The following CTIF variants were observed in gnomAD, a reference collection of about 807,000 sequenced individuals.
CTIF encodes the protein cap binding complex dependent translation initiation factor.
In CTIF, 21 loss-of-function variants were observed where a neutral mutation model predicts 66.0. The observed-to-expected ratio is 0.32, with a 90% CI of 0.23 to 0.46. The LOEUF is 0.46. CTIF is among the 20% of genes least tolerant of loss of function. The probability of loss-of-function intolerance (pLI) is 1.00; values close to 1 mark genes in which losing one functional copy is unlikely to be tolerated. For missense variants in CTIF, 739 were observed against 812.7 expected (o/e 0.91, Z 1.10); for synonymous variants, 345 against 326.4 (o/e 1.06, Z -0.62).
chr18:48,690,833 C>T (rs1437462864), intron 6 of CTIF, among the ~76,000 whole-genome samples: 1 of 151,986 alleles, frequency 6.6e-6, no homozygotes, highest in Admixed American at 6.6e-5. Flanking sequence ...CTCCTCCCTG[C>T]AAACCACCAT....
intron 7 of CTIF, among the ~76,000 whole-genome samples, chr18:48,722,206 CTTTT>C (rs34736291): frequency 0.013 from 1,049 of 81,108 alleles, 5 homozygotes; most frequent in African/African-American, 0.052. Flanking sequence ...TGGCCCTGTG[CTTTT>C]TTTTTTTTTT....
chr18:48,602,830 AATGG>A (rs745564518), intron 1 of CTIF, among the ~76,000 whole-genome samples: 5 of 146,846 alleles, frequency 3.4e-5, no homozygotes, highest in Non-Finnish European at 7.5e-5. Flanking sequence ...TGGGTGGATG[AATGG>A]ATGGATGGAT....
intron 1 of CTIF, among the ~76,000 whole-genome samples, chr18:48,557,879 G>A (rs2089059909): frequency 2.0e-5 from 3 of 152,180 alleles, no homozygotes; most frequent in South Asian, 2.1e-4. Context: ...TAAGGACACC[G>A]CTTCTATCCT....
intron 10 of CTIF, among the ~76,000 whole-genome samples, chr18:48,844,840 A>G (rs891077043): frequency 1.3e-5 from 2 of 152,166 alleles, no homozygotes; most frequent in Admixed American, 6.5e-5. Flanking sequence ...GCATCTACAC[A>G]AGCACCTATA....
At chr18:48,659,486 G>T (rs1008620819) in intron 3 of CTIF, among the ~76,000 whole-genome samples, 4 of 152,186 alleles carry the variant, frequency 2.6e-5, no homozygotes, top group Non-Finnish European at 4.4e-5. Context: ...TATGATATTC[G>T]TTCCTGGAGC....
chr18:48,747,301 A>G (rs958110841), intron 7 of CTIF, among the ~76,000 whole-genome samples: 1 of 152,218 alleles, frequency 6.6e-6, no homozygotes, highest in African/African-American at 2.4e-5. Context: ...CTGAGCCTCC[A>G]GCGCCCCATC....
chr18:48,791,545 C>A (rs1430485853), intron 9 of CTIF, among the ~76,000 whole-genome samples: 1 of 152,078 alleles, frequency 6.6e-6, no homozygotes, highest in Non-Finnish European at 1.5e-5. Context: ...TCAGCCTGGC[C>A]CTGGGGGCTC....
At chr18:48,781,108 A>G (rs1197026071) in intron 9 of CTIF, among the ~76,000 whole-genome samples, 1 of 152,142 alleles carries the variant, frequency 6.6e-6, no homozygotes, top group Non-Finnish European at 1.5e-5. Flanking sequence ...ATGACCCCAA[A>G]GGGTTTGCTT....
chr18:48,710,280 C>A (rs867564608), intron 6 of CTIF, among the ~76,000 whole-genome samples: 2 of 152,208 alleles, frequency 1.3e-5, no homozygotes, highest in African/African-American at 4.8e-5. Flanking sequence ...CCAGAATAGA[C>A]CCCCTCTGAC....
At chr18:48,677,550 T>A (rs887129430) in intron 6 of CTIF, among the ~76,000 whole-genome samples, 2 of 152,200 alleles carry the variant, frequency 1.3e-5, no homozygotes, top group Non-Finnish European at 2.9e-5. Context: ...TTTCTAATCT[T>A]ACCCTCACGT....
chr18:48,797,427 G>A (rs1033039552), intron 9 of CTIF, among the ~76,000 whole-genome samples: 10 of 148,106 alleles, frequency 6.8e-5, no homozygotes, highest in Admixed American at 2.8e-4. Flanking sequence ...AGGTTGCAGT[G>A]AGCCAAGATC....
In CTIF at chr18:48,788,985, G is replaced by A. The variant is rs1341699912; in HGVS notation, c.1371+27296G>A. ...ACCTCTTAGGCCTGGGAGACCCTGG[G>A]CAGACTCAGGAGGACGTGTGCTGTG... On this transcript the variant is annotated intron_variant, in intron 9 of 11. Coordinates refer to ENST00000256413, the MANE Select transcript of CTIF (RefSeq NM_014772.3). Among the ~76,000 whole-genome samples, 3 of 152,280 alleles carry A rather than the reference G, an allele frequency of 2.0e-5. No homozygotes were observed. The East Asian group carries it at 5.8e-4, about 29-fold the overall frequency.
chr18:48,722,542 A>G (rs1037676830), intron 7 of CTIF, among the ~76,000 whole-genome samples: 2 of 152,058 alleles, frequency 1.3e-5, no homozygotes, highest in African/African-American at 2.4e-5. Context: ...TTGAGATCGT[A>G]TGCTGCCCAG....
chr18:48,776,584 G>C (rs1334162880), intron 9 of CTIF, among the ~76,000 whole-genome samples: 1 of 152,270 alleles, frequency 6.6e-6, no homozygotes, highest in Non-Finnish European at 1.5e-5. Context: ...CATCCCCATA[G>C]GGGAAACGAG....
chr18:48,742,168 A>T (rs2092560176), intron 7 of CTIF, among the ~76,000 whole-genome samples: 1 of 152,230 alleles, frequency 6.6e-6, no homozygotes. Flanking sequence ...CTCATGGGCC[A>T]GGGTGACCAG....
chr18:48,783,589 G>C (rs973013339), intron 9 of CTIF, among the ~76,000 whole-genome samples: 1 of 152,122 alleles, frequency 6.6e-6, no homozygotes, highest in Admixed American at 6.5e-5. Flanking sequence ...AGCCTGGGGA[G>C]GCCTCCGACC....
At chr18:48,833,309 G>A (rs2068735286) in intron 10 of CTIF, among the ~76,000 whole-genome samples, 2 of 152,202 alleles carry the variant, frequency 1.3e-5, no homozygotes, top group African/African-American at 2.4e-5. Context: ...GGCCTGGGGA[G>A]TGGAAGTGCC....
intron 1 of CTIF, among the ~76,000 whole-genome samples, chr18:48,572,234 T>G (rs2089433579): frequency 6.6e-6 from 1 of 152,184 alleles, no homozygotes; most frequent in African/African-American, 2.4e-5. Flanking sequence ...GATGGTACTC[T>G]GTTTTCCTCA....
In CTIF at chr18:48,614,872, GTTGT is replaced by G. The variant is rs763307680; in HGVS notation, c.-28-4663_-28-4660del. Among the ~76,000 whole-genome samples the G allele has an allele frequency of 3.3e-5, 5 of 151,982 alleles. No individual in the cohort carries two copies. The South Asian group carries it at 1.0e-3, about 32-fold the overall frequency. On this transcript the variant is annotated intron_variant, in intron 1 of 11. Coordinates refer to ENST00000256413, the MANE Select transcript of CTIF (RefSeq NM_014772.3). ...TTGTTTTGTTTGGTTTGGTTGGTTGGTTGTTTTTTTTGTTGTTGTTGTTTTGTTT... is the reference window on the plus strand; with the variant it reads ...TTGTTTTGTTTGGTTTGGTTGGTTGGTTTTTTTGTTGTTGTTGTTTTGTTT...
Sources: gnomAD v4.1 joint callset for allele counts (sites outside exome capture counted in the v4.1 genomes callset) on GRCh38, gnomAD v4.1.1 for gene constraint, MANE v1.5 for transcripts, NCBI Gene and HGNC (gene_info 2026-07-23, HGNC 2026-07-21) for gene names.